JAKMIP1: variants seen among roughly 807,000 people sequenced by gnomAD.
JAKMIP1 encodes janus kinase and microtubule-interacting protein 1.
Under a neutral mutation model 113.0 loss-of-function variants are expected in JAKMIP1, and 33 were observed. That is an observed-to-expected ratio of 0.29 (90% CI 0.22 to 0.39). The LOEUF (loss-of-function observed/expected upper bound fraction) is 0.39. Ranked by LOEUF, JAKMIP1 falls within the 10% of genes least tolerant of loss-of-function variation. The probability of loss-of-function intolerance (pLI) is 1.00; values close to 1 mark genes in which losing one functional copy is unlikely to be tolerated. For missense variants in JAKMIP1, 813 were observed against 1,080.5 expected (o/e 0.75, Z 3.47); for synonymous variants, 480 against 459.9 (o/e 1.04, Z -0.56).
chr4:6,100,785 T>C (rs1481427054), intron 3 of JAKMIP1, among the ~76,000 whole-genome samples: 1 of 152,192 alleles, frequency 6.6e-6, no homozygotes, highest in Non-Finnish European at 1.5e-5. Context: ...AGAATTTATA[T>C]CTAGTTGTAA....
chr4:6,049,618 A>G lies in JAKMIP1; in HGVS notation c.1962+201T>C, dbSNP rs1259755652. ...CCCTCCTCACTCAACAGGCCAGGGG[A>G]ATCTAACTTCGGAACCCCACTTCTG... is the stretch of plus-strand genomic sequence containing the variant. On this transcript the variant is annotated intron_variant, in intron 15 of 20. Coordinates refer to ENST00000409021, the MANE Select transcript of JAKMIP1 (RefSeq NM_001099433.2). The surrounding 1 kb of genome is among the most constrained non-coding windows in gnomAD (Gnocchi z 7.0). 6.6e-6 allele frequency among the ~76,000 whole-genome samples: 1 copy of G among 151,966 alleles called. No individual in the cohort carries two copies. Among genetic ancestry groups the G allele is most frequent in the African/African-American group, 2.4e-5 (1 of 41,354 alleles).
Position 6,049,782 on chromosome 4 carries a change from A to G in JAKMIP1, c.1962+37T>C. ...ACACAGAATACACCCAGATCAAAAC[A>G]AGAACACGAAAGCAGAAACCGATCG... On this transcript the variant is annotated intron_variant, in intron 15 of 20. Coordinates refer to ENST00000409021, the MANE Select transcript of JAKMIP1 (RefSeq NM_001099433.2). This position sits in a 1 kb window ranked among gnomAD's most constrained non-coding sequence, Gnocchi z 7.0. 6.6e-7 allele frequency: 1 copy of G among 1,522,576 alleles called. No homozygotes were observed. The highest frequency in any genetic ancestry group is 9.1e-7 in the Non-Finnish European group (1 of 1,097,846). The allele number at this position is 1,522,576 out of a possible 1,614,324, so 94.3% of individuals were successfully genotyped here.
At chr4:6,120,433 T>C (rs1716543987) in intron 1 of JAKMIP1, among the ~76,000 whole-genome samples, 1 of 152,172 alleles carries the variant, frequency 6.6e-6, no homozygotes, top group Admixed American at 6.5e-5. Context: ...GAATTGTTGA[T>C]GGCAGTGGAA....
At chr4:6,121,492 T>G (rs763994624) in intron 1 of JAKMIP1, among the ~76,000 whole-genome samples, 10 of 152,140 alleles carry the variant, frequency 6.6e-5, no homozygotes, top group Non-Finnish European at 1.2e-4. Context: ...AACCTAAATG[T>G]CCAGCCATAG....
rs1711942770 is a variant in JAKMIP1, at chr4:6,097,176, ATT to A, written c.624+8295_624+8296del. On this transcript the variant is annotated intron_variant, in intron 3 of 20. Transcript: ENST00000409021. This position sits in a 1 kb window ranked among gnomAD's most constrained non-coding sequence, Gnocchi z 4.3. ...GCCACCATGTCCGGCTAATTTTTAA[ATT>A]TTTTGTAGAGGCAAGACCTCACTGC... Among the ~76,000 whole-genome samples the A allele has an allele frequency of 6.6e-6, 1 of 151,982 alleles. No homozygotes were observed. The highest frequency in any genetic ancestry group is 2.1e-4 in the South Asian group (1 of 4,800).
Position 6,183,959 on chromosome 4 carries a change from C to T in JAKMIP1, c.-148+16294G>A, listed in dbSNP as rs954559807. Among the ~76,000 whole-genome samples, 1 of 152,222 alleles carries T rather than the reference C, an allele frequency of 6.6e-6. No individual in the cohort carries two copies. The highest frequency in any genetic ancestry group is 2.4e-5 in the African/African-American group (1 of 41,446). On this transcript the variant is annotated intron_variant, in intron 1 of 20. Transcript: ENST00000409021. This position sits in a 1 kb window ranked among gnomAD's most constrained non-coding sequence, Gnocchi z 5.3. ...TAATACTCAAGATGCCACAGCTGTT[C>T]AGATTGCAACTGTCACCCTATACTT...
chr4:6,173,228 G>A (rs1724955231), intron 1 of JAKMIP1, among the ~76,000 whole-genome samples: 1 of 152,248 alleles, frequency 6.6e-6, no homozygotes, highest in South Asian at 2.1e-4. Flanking sequence ...TTCTCTAATT[G>A]AATAGTTACA....
chr4:6,105,341 G>A lies in JAKMIP1; in HGVS notation c.624+132C>T, dbSNP rs1211275337. On this transcript the variant is annotated intron_variant, in intron 3 of 20. Transcript: ENST00000409021. ...CCTCCTTACCACACCTAAGACGGGAGGGAGGTTGCTGGGGCCCCAGTGCTT... is the reference window on the plus strand; with the variant it reads ...CCTCCTTACCACACCTAAGACGGGAAGGAGGTTGCTGGGGCCCCAGTGCTT... The A allele has an allele frequency of 9.3e-6, 7 of 752,632 alleles. No homozygotes were observed. The East Asian group carries it at 1.9e-4, about 20-fold the overall frequency. The allele number at this position is 752,632 out of a possible 1,614,324, so 46.6% of individuals were successfully genotyped here. A position where few individuals can be genotyped will look rare whatever the true frequency, so the allele number is the denominator to read the frequency against.
chr4:6,077,394 G>A (rs554371560), intron 8 of JAKMIP1, among the ~76,000 whole-genome samples: 58 of 152,166 alleles, frequency 3.8e-4, no homozygotes, highest in African/African-American at 1.3e-3. Context: ...GGTCTGCTAC[G>A]GGTTTTAGAG....
At chr4:6,043,122 A>G (rs540765394) in intron 16 of JAKMIP1, among the ~76,000 whole-genome samples, 3 of 152,014 alleles carry the variant, frequency 2.0e-5, no homozygotes, top group African/African-American at 7.2e-5. Context: ...GGGTTTGACA[A>G]CACCATTGAC....
At position 6,194,937 on chromosome 4, in the gene JAKMIP1, AAC is replaced by A. The variant is rs1727689855; in HGVS notation, c.-148+5314_-148+5315del. The stretch of plus-strand genomic sequence containing the variant: ...CACACAGAGGGGAACAGGCTGACCT[AAC>A]ACAAGTGGGCGGTGGTGCCCAACAA... On this transcript the variant is annotated intron_variant, in intron 1 of 20. Coordinates refer to ENST00000409021, the MANE Select transcript of JAKMIP1 (RefSeq NM_001099433.2). This position sits in a 1 kb window ranked among gnomAD's most constrained non-coding sequence, Gnocchi z 7.4. Among the ~76,000 whole-genome samples the A allele has an allele frequency of 6.6e-6, 1 of 152,166 alleles. No individual in the cohort carries two copies. The highest frequency in any genetic ancestry group is 1.5e-5 in the Non-Finnish European group (1 of 68,024).
intron 8 of JAKMIP1, among the ~76,000 whole-genome samples, chr4:6,070,591 C>A (rs780882167): frequency 6.6e-6 from 1 of 152,240 alleles, no homozygotes; most frequent in African/African-American, 2.4e-5. Flanking sequence ...ATGGCACAGG[C>A]CCTGGGTCCC....
At chr4:6,033,666 A>G (rs1039469437) in intron 19 of JAKMIP1, among the ~76,000 whole-genome samples, 9 of 152,182 alleles carry the variant, frequency 5.9e-5, no homozygotes, top group African/African-American at 2.2e-4. Flanking sequence ...AACCTGTCTG[A>G]CCCGAGAGCC....
At position 6,042,413 on chromosome 4, in the gene JAKMIP1, T is replaced by G. The variant is rs1208059611; in HGVS notation, c.2029-186A>C. Among the ~76,000 whole-genome samples the G allele has an allele frequency of 6.6e-6, 1 of 152,124 alleles. No homozygotes were observed. The highest frequency in any genetic ancestry group is 1.5e-5 in the Non-Finnish European group (1 of 68,026). On this transcript the variant is annotated intron_variant, in intron 16 of 20. Coordinates refer to ENST00000409021, the MANE Select transcript of JAKMIP1 (RefSeq NM_001099433.2). This position sits in a 1 kb window ranked among gnomAD's most constrained non-coding sequence, Gnocchi z 5.2. ...GTGGTTGTGTGTGCATGGTCCAGCCTGCATGTGCAGGAGGTCTTAGGTGTG... is the reference window on the plus strand; with the variant it reads ...GTGGTTGTGTGTGCATGGTCCAGCCGGCATGTGCAGGAGGTCTTAGGTGTG...
chr4:6,070,563 G>A (rs1718813144), intron 8 of JAKMIP1, among the ~76,000 whole-genome samples: 1 of 152,254 alleles, frequency 6.6e-6, no homozygotes. Context: ...CCTGAGCCGA[G>A]AGCCTGTTGT....
intron 17 of JAKMIP1, among the ~76,000 whole-genome samples, chr4:6,041,242 G>A (rs1342993889): frequency 1.3e-5 from 2 of 152,186 alleles, no homozygotes; most frequent in Non-Finnish European, 2.9e-5. Flanking sequence ...ACTGATTTGA[G>A]GGTTTCAGGG....
intron 18 of JAKMIP1, among the ~76,000 whole-genome samples, chr4:6,039,974 G>A (rs748015244): frequency 9.2e-5 from 14 of 152,104 alleles, no homozygotes; most frequent in African/African-American, 1.4e-4. Context: ...TCTGTACCAC[G>A]CTAGCTTCTT....
At chr4:6,105,368 G>T in intron 3 of JAKMIP1, 105 bp downstream of exon 3, 1 of 1,236,304 alleles carries the variant, frequency 8.1e-7, no homozygotes, top group Non-Finnish European at 1.1e-6. Context: ...CCAGTGCTTT[G>T]AACAATGCCT....
rs1338419953 is a variant in JAKMIP1, at chr4:6,155,965, G to A, written c.-147-42968C>T. 6.6e-6 allele frequency among the ~76,000 whole-genome samples: 1 copy of A among 152,178 alleles called. No individual in the cohort carries two copies. The highest frequency in any genetic ancestry group is 1.5e-5 in the Non-Finnish European group (1 of 68,028). ...GCTGGGGATGAATATCTACTGCCACGGAAAGGGTCAGCTCTGTGACTTCTG... is the reference window on the plus strand; with the variant it reads ...GCTGGGGATGAATATCTACTGCCACAGAAAGGGTCAGCTCTGTGACTTCTG... On this transcript the variant is annotated intron_variant, in intron 1 of 20. Coordinates refer to ENST00000409021, the MANE Select transcript of JAKMIP1 (RefSeq NM_001099433.2). The surrounding 1 kb of genome is among the most constrained non-coding windows in gnomAD (Gnocchi z 6.1).
Sources: allele counts gnomAD v4.1 joint callset (sites outside exome capture counted in the v4.1 genomes callset), GRCh38; gene constraint gnomAD v4.1.1; non-coding constraint Gnocchi (gnomAD v3.1); transcripts MANE v1.5; gene names NCBI Gene and HGNC (gene_info 2026-07-23, HGNC 2026-07-21).